EGFR: variants seen among roughly 807,000 people sequenced by gnomAD.
EGFR encodes the protein epidermal growth factor receptor, also known as avian erythroblastic leukemia viral (v-erb-b) oncogene homolog.
EGFR carries 58 observed loss-of-function variants against 143.0 expected under a neutral mutation model. The observed-to-expected ratio is 0.41, with a 90% CI of 0.33 to 0.50. EGFR has a LOEUF of 0.50. Among genes scored for constraint, EGFR ranks in the 20% least tolerant of loss-of-function variants. The pLI is 0.39. For synonymous variants in EGFR, 613 were observed against 594.4 expected (o/e 1.03, Z -0.45); for missense variants, 1,307 against 1,579.0 (o/e 0.83, Z 2.92).
At chr7:55,133,822 G>A (rs1266266439) in intron 1 of EGFR, among the ~76,000 whole-genome samples, 2 of 152,198 alleles carry the variant, frequency 1.3e-5, no homozygotes, top group African/African-American at 4.8e-5. Context: ...CAGATGCCCT[G>A]GACACAGTGG....
chr7:55,136,310 A>C (rs111906246), intron 1 of EGFR, among the ~76,000 whole-genome samples: 105 of 152,344 alleles, frequency 6.9e-4, no homozygotes, highest in African/African-American at 2.5e-3. Context: ...GCCTAATTAA[A>C]TATATGACTA....
In EGFR at chr7:55,071,236, G is replaced by A. The variant is rs149241159; in HGVS notation, c.88+51871G>A. Among the ~76,000 whole-genome samples the A allele has an allele frequency of 5.7e-3, 872 of 152,318 alleles. 4 individuals carry two copies. The highest frequency in any genetic ancestry group is 9.5e-3 in the Non-Finnish European group (646 of 68,032). Reference sequence around the variant, plus strand: ...CCCCCATTCCCATTCCATTAATTGCGTGAGGTAGAGAACTCATAGAAGATA... The same window carrying A: ...CCCCCATTCCCATTCCATTAATTGCATGAGGTAGAGAACTCATAGAAGATA... On this transcript the variant is annotated intron_variant, in intron 1 of 27. Coordinates refer to ENST00000275493, the MANE Select transcript of EGFR (RefSeq NM_005228.5).
At chr7:55,169,218 A>G (rs549380142) in intron 15 of EGFR, among the ~76,000 whole-genome samples, 14 of 151,604 alleles carry the variant, frequency 9.2e-5, no homozygotes, top group African/African-American at 3.2e-4. Flanking sequence ...CTCCTGCTTC[A>G]GCCTCCCGAG....
intron 1 of EGFR, among the ~76,000 whole-genome samples, chr7:55,057,550 T>C (rs1788902358): frequency 6.6e-6 from 1 of 152,238 alleles, no homozygotes; most frequent in South Asian, 2.1e-4. Flanking sequence ...AGAGAAAGGA[T>C]ATGTGTGTGA....
intron 1 of EGFR, among the ~76,000 whole-genome samples, chr7:55,063,550 A>G (rs967502460): frequency 2.0e-5 from 3 of 152,222 alleles, no homozygotes; most frequent in African/African-American, 7.2e-5. Context: ...TTCTCTTCCC[A>G]TGAGGTTCTC....
At chr7:55,173,881 G>T (rs764807724) in intron 17 of EGFR, 40 bp from the exon 18 acceptor site, 1 of 1,614,138 alleles carries the variant, frequency 6.2e-7, no homozygotes, top group Non-Finnish European at 8.5e-7. Context: ...CATGGTGAGG[G>T]CTGAGGTGAC....
chr7:55,120,818 T>C (rs1793157979), intron 1 of EGFR, among the ~76,000 whole-genome samples: 1 of 152,214 alleles, frequency 6.6e-6, no homozygotes, highest in African/African-American at 2.4e-5. Context: ...TTACAGCACC[T>C]ACAGTTATAA....
At chr7:55,183,325 C>T (rs988422778) in intron 20 of EGFR, among the ~76,000 whole-genome samples, 1 of 152,162 alleles carries the variant, frequency 6.6e-6, no homozygotes, top group Non-Finnish European at 1.5e-5. Context: ...GATCACTCCG[C>T]TATGTGTATA....
At chr7:55,037,479 C>T (rs879550592) in intron 1 of EGFR, among the ~76,000 whole-genome samples, 1 of 152,198 alleles carries the variant, frequency 6.6e-6, no homozygotes, top group Non-Finnish European at 1.5e-5. Context: ...CATAACGTAG[C>T]TTTGCAGCAC....
chr7:55,107,059 ATG>A (rs1262048371), intron 1 of EGFR, among the ~76,000 whole-genome samples: 2 of 152,214 alleles, frequency 1.3e-5, no homozygotes, highest in South Asian at 2.1e-4. Context: ...AAATAAATAT[ATG>A]TGTGTGTGTA....
At position 55,137,159 on chromosome 7, in the gene EGFR, G is replaced by GTA. The variant is rs539413880; in HGVS notation, c.89-5127_89-5126insTA. Among the ~76,000 whole-genome samples the GTA allele has an allele frequency of 2.4e-4, 37 of 152,222 alleles. No homozygotes were observed. In the South Asian group the frequency reaches 7.5e-3, roughly 31 times the overall value. On this transcript the variant is annotated intron_variant, in intron 1 of 27. Coordinates refer to ENST00000275493, the MANE Select transcript of EGFR (RefSeq NM_005228.5). ...CAGAACAGGCTTTTCTAGAGGGTAG[G>GTA]CCTTTAAGCGTACCTCGAAGATGCA...
At position 55,207,221 on chromosome 7, in the gene EGFR, T is replaced by C. The variant is rs774288678; in HGVS notation, c.*1604T>C. ...TCAGTCACACACACATACAAAATGT[T>C]CCTTTTGCTTTTAAAGTAATTTTTG... On this transcript the variant is annotated 3_prime_UTR_variant, in exon 28 of 28. Coordinates refer to ENST00000275493, the MANE Select transcript of EGFR (RefSeq NM_005228.5). The C allele has an allele frequency of 1.7e-5, 4 of 232,952 alleles. No homozygotes were observed. The highest frequency in any genetic ancestry group is 3.4e-5 in the Non-Finnish European group (4 of 117,940). The allele number at this position is 232,952 out of a possible 1,614,324, so 14.4% of individuals were successfully genotyped here.
At chr7:55,073,213 G>T (rs888318426) in intron 1 of EGFR, among the ~76,000 whole-genome samples, 1 of 152,198 alleles carries the variant, frequency 6.6e-6, no homozygotes, top group Admixed American at 6.5e-5. Flanking sequence ...CAAGGAAAGG[G>T]CAGTTGGATA....
At chr7:55,130,270 T>A (rs1248060497) in intron 1 of EGFR, among the ~76,000 whole-genome samples, 3 of 152,212 alleles carry the variant, frequency 2.0e-5, no homozygotes, top group African/African-American at 4.8e-5. Context: ...GTGCAGGAAC[T>A]GGTCTGTTAA....
At chr7:55,069,414 AAG>A (rs373581435) in intron 1 of EGFR, among the ~76,000 whole-genome samples, 21 of 152,278 alleles carry the variant, frequency 1.4e-4, no homozygotes, top group African/African-American at 4.6e-4. Context: ...CTCAGACAGA[AAG>A]ACAGTGGGCA....
intron 24 of EGFR, 37 bp from the exon 25 acceptor site, chr7:55,201,151 A>G (rs757624011): frequency 9.9e-6 from 16 of 1,614,006 alleles, no homozygotes; most frequent in Non-Finnish European, 1.4e-5. Flanking sequence ...TAGCATCTCT[A>G]CGGGCCATTC....
chr7:55,036,965 T>G (rs774350936), intron 1 of EGFR, among the ~76,000 whole-genome samples: 39 of 152,030 alleles, frequency 2.6e-4, no homozygotes, highest in South Asian at 6.2e-4. Context: ...CAGAGCAACA[T>G]AGGGAGGGGG....
chr7:55,084,761 G>C (rs1266110570), intron 1 of EGFR, among the ~76,000 whole-genome samples: 1 of 152,212 alleles, frequency 6.6e-6, no homozygotes, highest in Non-Finnish European at 1.5e-5. Flanking sequence ...AGTTATAATA[G>C]CTGTCTTCAA....
At chr7:55,054,763 C>T (rs1788694435) in intron 1 of EGFR, among the ~76,000 whole-genome samples, 1 of 152,246 alleles carries the variant, frequency 6.6e-6, no homozygotes, top group African/African-American at 2.4e-5. Context: ...ACTCACATGG[C>T]TGTGCCTCTG....
Sources: gnomAD v4.1 joint callset for allele counts (sites outside exome capture counted in the v4.1 genomes callset) on GRCh38, gnomAD v4.1.1 for gene constraint, MANE v1.5 for transcripts, NCBI Gene and HGNC (gene_info 2026-07-23, HGNC 2026-07-21) for gene names.